ERBB4: variants seen among roughly 807,000 people sequenced by gnomAD.
ERBB4 encodes receptor tyrosine-protein kinase erbB-4.
In ERBB4, 42 loss-of-function variants were observed where a neutral mutation model predicts 158.0. That is an observed-to-expected ratio of 0.27 (90% CI 0.21 to 0.34). The LOEUF (loss-of-function observed/expected upper bound fraction) is 0.34. ERBB4 is among the 10% of genes least tolerant of loss of function. ERBB4 has a pLI of 1.00. For missense variants in ERBB4, 1,333 were observed against 1,624.1 expected (o/e 0.82, Z 3.08); for synonymous variants, 583 against 558.7 (o/e 1.04, Z -0.61).
chr2:211,379,658 C>G lies in ERBB4; in HGVS notation c.*3957G>C, dbSNP rs961953375. The G allele has an allele frequency of 8.2e-5, 19 of 231,568 alleles. No homozygotes were observed. The highest frequency in any genetic ancestry group is 1.5e-4 in the Non-Finnish European group (17 of 117,134). The allele number at this position is 231,568 out of a possible 1,614,324, so 14.3% of individuals were successfully genotyped here. A position where few individuals can be genotyped will look rare whatever the true frequency, so the allele number is the denominator to read the frequency against. On this transcript the variant is annotated 3_prime_UTR_variant, in exon 28 of 28. Coordinates refer to ENST00000342788, the MANE Select transcript of ERBB4 (RefSeq NM_005235.3). ...TTAACATCTGATAACCTAACTAAAT[C>G]TACATCTTATAGCATTATCGTGGTT...
intron 20 of ERBB4, among the ~76,000 whole-genome samples, chr2:211,519,020 G>A (rs1373944964): frequency 2.6e-5 from 4 of 151,996 alleles, no homozygotes; most frequent in Non-Finnish European, 5.9e-5. Context: ...CAGTTGTGAG[G>A]ATATCAGTAG....
intron 2 of ERBB4, among the ~76,000 whole-genome samples, chr2:211,949,497 T>C (rs1367437472): frequency 1.3e-5 from 2 of 152,218 alleles, no homozygotes; most frequent in Non-Finnish European, 2.9e-5. Flanking sequence ...ACATTTGAGA[T>C]AAATTAAGTT....
chr2:211,450,893 G>A (rs1410581404), intron 20 of ERBB4, among the ~76,000 whole-genome samples: 1 of 152,120 alleles, frequency 6.6e-6, no homozygotes, highest in Non-Finnish European at 1.5e-5. Flanking sequence ...CGAGGAGAAA[G>A]AATTTATCAC....
In ERBB4 at chr2:211,871,551, T is replaced by C. The variant is rs1274982347; in HGVS notation, c.421+75879A>G. Among the ~76,000 whole-genome samples the C allele has an allele frequency of 5.9e-5, 9 of 151,646 alleles. 1 individual carries two copies. The highest frequency in any genetic ancestry group is 4.2e-4 in the South Asian group (2 of 4,816). The stretch of plus-strand genomic sequence containing the variant: ...CTAGTCATGGGTCATTCAGACTTTA[T>C]TGTGGGACATTTTTAGAGCATGGAG... On this transcript the variant is annotated intron_variant, in intron 3 of 27. Coordinates refer to ENST00000342788, the MANE Select transcript of ERBB4 (RefSeq NM_005235.3).
intron 1 of ERBB4, among the ~76,000 whole-genome samples, chr2:212,451,173 G>A (rs569997836): frequency 6.6e-6 from 1 of 152,158 alleles, no homozygotes; most frequent in South Asian, 2.1e-4. Flanking sequence ...GAAAATAAAT[G>A]TATCTATAGA....
chr2:211,481,648 GCTT>G (rs1202471089), intron 20 of ERBB4, among the ~76,000 whole-genome samples: 2 of 151,744 alleles, frequency 1.3e-5, no homozygotes, highest in Admixed American at 6.6e-5. Flanking sequence ...GTGAGGAGCT[GCTT>G]CTTAAGTGAC....
At chr2:211,499,954 A>T (rs79861042) in intron 20 of ERBB4, among the ~76,000 whole-genome samples, 3 of 108,464 alleles carry the variant, frequency 2.8e-5, no homozygotes, top group Admixed American at 1.2e-4. Context: ...ATGACAAGAG[A>T]ATACTAAAGA....
In ERBB4 at chr2:211,379,740, A is replaced by C. The variant is rs1040641253; in HGVS notation, c.*3875T>G. 4.3e-6 allele frequency: 1 copy of C among 231,978 alleles called. No homozygotes were observed. The highest frequency in any genetic ancestry group is 2.2e-5 in the African/African-American group (1 of 45,292). The allele number at this position is 231,978 out of a possible 1,614,324, so 14.4% of individuals were successfully genotyped here. A position where few individuals can be genotyped will look rare whatever the true frequency, so the allele number is the denominator to read the frequency against. On this transcript the variant is annotated 3_prime_UTR_variant, in exon 28 of 28. Coordinates refer to ENST00000342788, the MANE Select transcript of ERBB4 (RefSeq NM_005235.3). ...CCTTTTCTATTACCTTATGAACTACATATACTAGTTAAATTATCAACAATT... is the reference window on the plus strand; with the variant it reads ...CCTTTTCTATTACCTTATGAACTACCTATACTAGTTAAATTATCAACAATT...
chr2:211,489,292 A>G (rs2065280499), intron 20 of ERBB4, among the ~76,000 whole-genome samples: 1 of 152,066 alleles, frequency 6.6e-6, no homozygotes, highest in Admixed American at 6.6e-5. Flanking sequence ...ATAAAGCAGT[A>G]TAATGCAGTG....
intron 1 of ERBB4, among the ~76,000 whole-genome samples, chr2:212,162,649 T>C (rs981412466): frequency 7.9e-5 from 12 of 151,952 alleles, no homozygotes; most frequent in African/African-American, 2.9e-4. Flanking sequence ...TTCTGATTTC[T>C]GCAATTCATG....
intron 3 of ERBB4, among the ~76,000 whole-genome samples, chr2:211,817,329 G>A (rs1005974654): frequency 3.3e-5 from 5 of 152,174 alleles, no homozygotes; most frequent in Non-Finnish European, 7.3e-5. Context: ...CCTCAATAGA[G>A]CGGAGTACCT....
chr2:212,170,233 G>A (rs1411648600), intron 1 of ERBB4, among the ~76,000 whole-genome samples: 2 of 152,170 alleles, frequency 1.3e-5, no homozygotes, highest in Non-Finnish European at 2.9e-5. Flanking sequence ...GAATTTATTG[G>A]GAACAAGAGC....
intron 4 of ERBB4, among the ~76,000 whole-genome samples, chr2:211,757,086 A>T (rs183594829): frequency 2.6e-5 from 4 of 152,336 alleles, no homozygotes; most frequent in Non-Finnish European, 1.5e-5. Flanking sequence ...CATTACCATG[A>T]TGTGGAATTG....
At chr2:212,316,647 C>A (rs2087293685) in intron 1 of ERBB4, among the ~76,000 whole-genome samples, 1 of 151,434 alleles carries the variant, frequency 6.6e-6, no homozygotes, top group Non-Finnish European at 1.5e-5. Context: ...CAATAAAATG[C>A]TGAGCGAAAT....
chr2:212,059,173 A>C (rs1488555176), intron 2 of ERBB4, among the ~76,000 whole-genome samples: 2 of 152,226 alleles, frequency 1.3e-5, no homozygotes, highest in East Asian at 1.9e-4. Flanking sequence ...CCAAATCATG[A>C]GTGAACTCCC....
intron 3 of ERBB4, among the ~76,000 whole-genome samples, chr2:211,805,800 CA>C (rs950750448): frequency 2.5e-4 from 37 of 150,720 alleles, no homozygotes; most frequent in African/African-American, 7.3e-4. Flanking sequence ...GAAAAAAATA[CA>C]AAAAAAATTC....
Position 212,302,139 on chromosome 2 carries a change from C to T in ERBB4, c.83-177236G>A, listed in dbSNP as rs560488887. On this transcript the variant is annotated intron_variant, in intron 1 of 27. Coordinates refer to ENST00000342788, the MANE Select transcript of ERBB4 (RefSeq NM_005235.3). ...TAGACATGTGATCTTGGGCAAGTTA[C>T]TTAAATGTTGTGAACCTCAGTTTAC... Among the ~76,000 whole-genome samples the T allele has an allele frequency of 8.8e-4, 134 of 151,468 alleles. 1 individual carries two copies. Among genetic ancestry groups the T allele is most frequent in the African/African-American group, 2.9e-3 (121 of 41,472 alleles).
chr2:211,934,318 T>C (rs1206947601), intron 3 of ERBB4, among the ~76,000 whole-genome samples: 1 of 152,022 alleles, frequency 6.6e-6, no homozygotes, highest in African/African-American at 2.4e-5. Flanking sequence ...TATTTCAAAA[T>C]GGTATATATT....
intron 1 of ERBB4, among the ~76,000 whole-genome samples, chr2:212,255,616 T>A (rs76894319): frequency 0.059 from 9,044 of 152,210 alleles, 371 homozygotes; most frequent in African/African-American, 0.12. Flanking sequence ...GTGTTTTTTT[T>A]AAATATTTGC....
Sources: allele counts gnomAD v4.1 joint callset (sites outside exome capture counted in the v4.1 genomes callset), GRCh38; gene constraint gnomAD v4.1.1; transcripts MANE v1.5; gene names NCBI Gene and HGNC (gene_info 2026-07-23, HGNC 2026-07-21).